Variants in CNTNAP2 observed in about 807,000 individuals in gnomAD.
The protein encoded by CNTNAP2 is contactin associated protein 2, also known as contactin-associated protein-like 2.
Under a neutral mutation model 155.2 loss-of-function variants are expected in CNTNAP2, and 98 were observed. That is an observed-to-expected ratio of 0.63 (90% confidence interval 0.54 to 0.75). The LOEUF (loss-of-function observed/expected upper bound fraction) is 0.75, where lower values mean the gene tolerates loss of function less well. CNTNAP2 is among the 30% of genes least tolerant of loss of function. The pLI, the probability that CNTNAP2 is intolerant of heterozygous loss-of-function variation, is 0.00. For synonymous variants in CNTNAP2, 651 were observed against 631.2 expected (o/e 1.03, Z -0.47); for missense variants, 1,727 against 1,688.1 (o/e 1.02, Z -0.40).
At chr7:147,148,389 CAAA>C (rs5888239) in intron 8 of CNTNAP2, among the ~76,000 whole-genome samples, 2 of 81,706 alleles carry the variant, frequency 2.4e-5, no homozygotes, top group African/African-American at 4.8e-5. Flanking sequence ...GACTCCGTCT[CAAA>C]AAAAAAAAAA....
chr7:146,782,649 A>G (rs1482257712), intron 2 of CNTNAP2, among the ~76,000 whole-genome samples: 1 of 152,228 alleles, frequency 6.6e-6, no homozygotes, highest in Non-Finnish European at 1.5e-5. Context: ...ACAGTGAAAG[A>G]GAGTATCATT....
chr7:146,897,645 C>G (rs570670457), intron 3 of CNTNAP2, among the ~76,000 whole-genome samples: 1 of 151,834 alleles, frequency 6.6e-6, no homozygotes, highest in Admixed American at 6.6e-5. Context: ...GAGAGCTAAA[C>G]TTTTCCCTTA....
intron 1 of CNTNAP2, among the ~76,000 whole-genome samples, chr7:146,604,052 CA>C (rs1798998630): frequency 9.7e-6 from 1 of 102,868 alleles, no homozygotes; most frequent in African/African-American, 4.2e-5. Flanking sequence ...GCAATGGCAA[CA>C]AAAGCCAAAA....
At chr7:146,992,900 T>C (rs118008082) in intron 3 of CNTNAP2, among the ~76,000 whole-genome samples, 1 of 152,204 alleles carries the variant, frequency 6.6e-6, no homozygotes, top group Non-Finnish European at 1.5e-5. Context: ...TTGTAACAAG[T>C]TGATAACCAG....
chr7:147,207,634 A>G (rs1175538347), intron 8 of CNTNAP2, among the ~76,000 whole-genome samples: 1 of 152,188 alleles, frequency 6.6e-6, no homozygotes, highest in East Asian at 1.9e-4. Flanking sequence ...AGGTATATGT[A>G]GAATACCTGG....
chr7:147,677,910 G>A (rs1795893169), intron 13 of CNTNAP2, among the ~76,000 whole-genome samples: 1 of 151,538 alleles, frequency 6.6e-6, no homozygotes, highest in Non-Finnish European at 1.5e-5. Context: ...TGATGTTTTG[G>A]TTACTATAGC....
intron 13 of CNTNAP2, among the ~76,000 whole-genome samples, chr7:147,877,597 T>C (rs945118611): frequency 6.6e-6 from 1 of 152,214 alleles, no homozygotes; most frequent in Non-Finnish European, 1.5e-5. Flanking sequence ...GTTTGAAAAT[T>C]AATTTTTATA....
chr7:148,226,050 T>A lies in CNTNAP2; in HGVS notation c.3248-3596T>A, dbSNP rs1795842066. On this transcript the variant is annotated intron_variant, in intron 19 of 23. Coordinates refer to ENST00000361727, the MANE Select transcript of CNTNAP2 (RefSeq NM_014141.6). The stretch of plus-strand genomic sequence containing the variant: ...ATGCCACTGTGTCTCCTCAAATGAA[T>A]GTGCTGAAAAGTTATTTAACTCACT... Among the ~76,000 whole-genome samples the A allele has an allele frequency of 2.6e-5, 4 of 152,192 alleles. No individual in the cohort carries two copies. The South Asian group carries it at 8.3e-4, about 32-fold the overall frequency.
At chr7:148,258,456 G>A (rs1796495836) in intron 20 of CNTNAP2, among the ~76,000 whole-genome samples, 1 of 152,176 alleles carries the variant, frequency 6.6e-6, no homozygotes, top group East Asian at 1.9e-4. Flanking sequence ...CCTTGATACT[G>A]GGGTCAAGGC....
At chr7:146,651,181 C>T (rs920503187) in intron 1 of CNTNAP2, among the ~76,000 whole-genome samples, 5 of 152,094 alleles carry the variant, frequency 3.3e-5, no homozygotes, top group South Asian at 4.2e-4. Context: ...TGAAAAATTG[C>T]GTATTTTTTT....
intron 1 of CNTNAP2, among the ~76,000 whole-genome samples, chr7:146,616,507 C>A (rs566426319): frequency 1.3e-5 from 2 of 152,142 alleles, no homozygotes; most frequent in Non-Finnish European, 2.9e-5. Context: ...CGTCACTTAA[C>A]CCCAGCTTCA....
intron 11 of CNTNAP2, chr7:147,496,508 A>C (rs1389236406): frequency 1.3e-5 from 2 of 152,178 alleles, no homozygotes; most frequent in Non-Finnish European, 2.9e-5. Flanking sequence ...ATTTTACTAA[A>C]TTACTTCTCA....
At chr7:148,156,100 A>G (rs375679193) in intron 17 of CNTNAP2, among the ~76,000 whole-genome samples, 109 of 152,346 alleles carry the variant, frequency 7.2e-4, no homozygotes, top group African/African-American at 2.6e-3. Context: ...TAAAGTCGCC[A>G]TGGCAAAGAT....
At chr7:146,914,097 C>T (rs1295029518) in intron 3 of CNTNAP2, among the ~76,000 whole-genome samples, 1 of 151,868 alleles carries the variant, frequency 6.6e-6, no homozygotes, top group Non-Finnish European at 1.5e-5. Context: ...TTATTTATGG[C>T]TTTTTAAAAG....
chr7:148,133,014 C>G (rs1353791684), intron 16 of CNTNAP2, among the ~76,000 whole-genome samples: 1 of 152,106 alleles, frequency 6.6e-6, no homozygotes, highest in African/African-American at 2.4e-5. Flanking sequence ...CCCTGATGAA[C>G]ATCCTCTTGT....
chr7:146,133,777 C>G (rs908894378), intron 1 of CNTNAP2, among the ~76,000 whole-genome samples: 2 of 152,158 alleles, frequency 1.3e-5, no homozygotes, highest in African/African-American at 2.4e-5. Context: ...ATCTATATCT[C>G]TGTTTTGGTA....
At chr7:147,622,665 T>A (rs974267255) in intron 12 of CNTNAP2, among the ~76,000 whole-genome samples, 1 of 151,970 alleles carries the variant, frequency 6.6e-6, no homozygotes, top group Non-Finnish European at 1.5e-5. Context: ...TAGCTATAAC[T>A]GTCTACATCA....
chr7:147,812,821 C>A (rs1229979119), intron 13 of CNTNAP2, among the ~76,000 whole-genome samples: 1 of 152,114 alleles, frequency 6.6e-6, no homozygotes. Context: ...AAAGTTGAGT[C>A]CCCTTCTCAC....
intron 3 of CNTNAP2, among the ~76,000 whole-genome samples, chr7:146,995,327 C>G (rs1424947233): frequency 6.6e-6 from 1 of 152,050 alleles, no homozygotes; most frequent in Non-Finnish European, 1.5e-5. Context: ...AACATAATGA[C>G]TTTATTTCCT....
Sources: gnomAD v4.1 joint callset for allele counts (sites outside exome capture counted in the v4.1 genomes callset) on GRCh38, gnomAD v4.1.1 for gene constraint, MANE v1.5 for transcripts, NCBI Gene and HGNC (gene_info 2026-07-23, HGNC 2026-07-21) for gene names.